Variants in WASL observed in about 807,000 individuals in gnomAD.
WASL encodes WASP like actin nucleation promoting factor, also known as actin nucleation-promoting factor WASL.
WASL carries 20 observed loss-of-function variants against 55.5 expected under a neutral mutation model. The ratio of observed to expected loss-of-function variants is 0.36; its 90% CI spans 0.25 to 0.52. The LOEUF (loss-of-function observed/expected upper bound fraction) is 0.52, where lower values mean the gene tolerates loss of function less well. Ranked by LOEUF, WASL falls within the 20% of genes least tolerant of loss-of-function variation. The pLI is 0.92. For missense variants in WASL, 504 were observed against 622.5 expected, an observed-to-expected ratio of 0.81 and a Z score of 2.03; for synonymous variants, 249 against 217.6, an observed-to-expected ratio of 1.14 and a Z score of -1.27.
At chr7:123,719,293 G>A (rs1053043983) in intron 1 of WASL, among the ~76,000 whole-genome samples, 2 of 152,214 alleles carry the variant, frequency 1.3e-5, no homozygotes, top group Non-Finnish European at 2.9e-5. Flanking sequence ...ACATGGGACT[G>A]TCTTAGAAGT....
chr7:123,691,905 T>A (rs1193437260), intron 9 of WASL, among the ~76,000 whole-genome samples: 1 of 152,246 alleles, frequency 6.6e-6, no homozygotes, highest in Non-Finnish European at 1.5e-5. Context: ...GGGCTATTTT[T>A]AATTCTCACA....
intron 1 of WASL, among the ~76,000 whole-genome samples, chr7:123,746,589 C>T (rs971181179): frequency 2.0e-5 from 3 of 152,206 alleles, no homozygotes; most frequent in African/African-American, 7.2e-5. Context: ...TTTGCAACGA[C>T]TTCATCCCAC....
At chr7:123,705,441 C>T (rs1175157559) in intron 4 of WASL, among the ~76,000 whole-genome samples, 1 of 152,134 alleles carries the variant, frequency 6.6e-6, no homozygotes, top group Non-Finnish European at 1.5e-5. Context: ...CTTGAGTAGA[C>T]AGAGTCTGAA....
intron 1 of WASL, among the ~76,000 whole-genome samples, chr7:123,736,721 A>G (rs1804237992): frequency 6.6e-6 from 1 of 152,234 alleles, no homozygotes; most frequent in South Asian, 2.1e-4. Flanking sequence ...AGAAAAGTAT[A>G]AAAGTGCAGA....
intron 1 of WASL, among the ~76,000 whole-genome samples, chr7:123,739,512 TCAGTA>T (rs113459773): frequency 0.017 from 2,597 of 152,298 alleles, 73 homozygotes; most frequent in African/African-American, 0.059. Flanking sequence ...TTTTGTACTT[TCAGTA>T]CAGTATTCAA....
Position 123,696,581 on chromosome 7 carries a change from GA to G in WASL, c.626del (p.Phe209SerfsTer17). Reference protein sequence around the residue: ...TKADIGTPSNFQHIGHVGWDP... With the variant: ...TKADIGTPSNXQHIGHVGWDP... ...GAACAACAAAAGAACTGTCTTACTGGAAATTGCTTGGTGTTCCTATATCTGC... is the reference window on the plus strand; with the variant it reads ...GAACAACAAAAGAACTGTCTTACTGGAATTGCTTGGTGTTCCTATATCTGC... On this transcript the variant is annotated frameshift_variant, in exon 6 of 11. Coordinates refer to ENST00000223023, the MANE Select transcript of WASL (RefSeq NM_003941.4). LOFTEE classifies it high-confidence loss of function. 6.4e-7 allele frequency: 1 copy of G among 1,571,392 alleles called. No individual in the cohort carries two copies. The highest frequency in any genetic ancestry group is 8.6e-7 in the Non-Finnish European group (1 of 1,161,254).
intron 10 of WASL, among the ~76,000 whole-genome samples, chr7:123,686,805 T>C (rs1335277880): frequency 6.6e-6 from 1 of 152,146 alleles, no homozygotes; most frequent in African/African-American, 2.4e-5. Flanking sequence ...GCAGTTTACC[T>C]CATCTGTGAG....
chr7:123,713,861 G>A (rs542010419), intron 1 of WASL, among the ~76,000 whole-genome samples: 6 of 152,240 alleles, frequency 3.9e-5, no homozygotes, highest in South Asian at 2.1e-4. Flanking sequence ...GCAACCAAAC[G>A]TGGATTGAAA....
At position 123,692,586 on chromosome 7, in the gene WASL, G is replaced by A; in HGVS notation, c.1108C>T (p.Pro370Ser). The change falls in exon 9 of 11, where the codon CCA becomes TCA. Residue 370 changes from proline (P) to serine (S), a missense_variant. Around this residue, in one of 5 missense-constraint regions of WASL, gnomAD observed 201 missense variants for 206.2 expected, o/e 0.97. Coordinates refer to ENST00000223023, the MANE Select transcript of WASL (RefSeq NM_003941.4). ...PPPPSVLGVG[P>S]VAPPPPPPPP... ...GGAGGCGGTGGGGGTGGTGCCACTG[G>A]CCCTACCCCCAACACAGATGGAGGT... 2 of 1,611,356 alleles carry A rather than the reference G, an allele frequency of 1.2e-6. No homozygotes were observed. The highest frequency in any genetic ancestry group is 2.2e-5 in the East Asian group (1 of 44,840).
intron 1 of WASL, among the ~76,000 whole-genome samples, chr7:123,713,229 G>A (rs531760340): frequency 6.6e-6 from 1 of 152,218 alleles, no homozygotes; most frequent in African/African-American, 2.4e-5. Flanking sequence ...GCTCACCACA[G>A]CATCAAGCCC....
intron 1 of WASL, among the ~76,000 whole-genome samples, chr7:123,723,255 G>A (rs1467681076): frequency 6.6e-6 from 1 of 152,080 alleles, no homozygotes; most frequent in Non-Finnish European, 1.5e-5. Flanking sequence ...AGCTAGTAAT[G>A]AAAAGACTAA....
chr7:123,716,535 A>C (rs1043513301), intron 1 of WASL, among the ~76,000 whole-genome samples: 1 of 152,008 alleles, frequency 6.6e-6, no homozygotes, highest in Non-Finnish European at 1.5e-5. Flanking sequence ...GGCGTGAGCC[A>C]CTGTGCCCGG....
At chr7:123,694,006 T>C (rs1407216374) in intron 8 of WASL, among the ~76,000 whole-genome samples, 4 of 152,224 alleles carry the variant, frequency 2.6e-5, no homozygotes, top group Non-Finnish European at 4.4e-5. Flanking sequence ...ACTGAATGCC[T>C]AATTTAAAAT....
intron 1 of WASL, among the ~76,000 whole-genome samples, chr7:123,748,108 C>T (rs1468240359): frequency 6.6e-6 from 1 of 152,118 alleles, no homozygotes; most frequent in African/African-American, 2.4e-5. Context: ...CCGAAGAGAG[C>T]CCAGGCTCTT....
At chr7:123,704,122 A>G (rs1442129034) in intron 5 of WASL, among the ~76,000 whole-genome samples, 1 of 152,200 alleles carries the variant, frequency 6.6e-6, no homozygotes, top group Non-Finnish European at 1.5e-5. Flanking sequence ...AGCATTATAC[A>G]GAGCTAAATT....
intron 8 of WASL, among the ~76,000 whole-genome samples, chr7:123,693,964 A>G (rs764041170): frequency 5.9e-5 from 9 of 152,246 alleles, no homozygotes; most frequent in Non-Finnish European, 1.0e-4. Context: ...CAAAGTTTAA[A>G]TGAACACTGG....
chr7:123,708,019 T>C (rs1803700028), intron 2 of WASL, among the ~76,000 whole-genome samples: 1 of 152,058 alleles, frequency 6.6e-6, no homozygotes, highest in Admixed American at 6.6e-5. Context: ...AACCCATCTC[T>C]ATAAGAAAAT....
In WASL at chr7:123,709,113, A is replaced by C; in HGVS notation, c.228T>G (p.Tyr76Ter). 6.2e-7 allele frequency: 1 copy of C among 1,608,248 alleles called. No homozygotes were observed. The highest frequency in any genetic ancestry group is 8.5e-7 in the Non-Finnish European group (1 of 1,177,056). ...CLVKDNPQRS[Y>*]FLRIFDIKDG... ...CCTTAATGTCAAATATTCTTAAAAA[A>C]TAAGATCTCTGTGGATTGTCCTTAA... is the stretch of plus-strand genomic sequence containing the variant. The change falls in exon 2 of 11, where the codon TAT (tyrosine) becomes TAG (stop). Residue 76 changes from tyrosine to a stop codon, truncating the protein, a stop_gained. Coordinates refer to ENST00000223023, the MANE Select transcript of WASL (RefSeq NM_003941.4). LOFTEE classifies it high-confidence loss of function.
At chr7:123,700,013 A>G (rs971122379) in intron 5 of WASL, among the ~76,000 whole-genome samples, 8 of 151,752 alleles carry the variant, frequency 5.3e-5, no homozygotes, top group African/African-American at 1.9e-4. Context: ...CGTCTCTACT[A>G]ACAATACAAA....
Sources: gnomAD v4.1 joint callset for allele counts (sites outside exome capture counted in the v4.1 genomes callset) on GRCh38, gnomAD v4.1.1 for gene constraint, gnomAD v4.1.1 regional missense constraint, MANE v1.5 for transcripts, NCBI Gene and HGNC (gene_info 2026-07-23, HGNC 2026-07-21) for gene names.